The following FARP1 variants were observed in gnomAD, a reference collection of about 807,000 sequenced individuals.
FARP1 encodes FERM, ARHGEF and pleckstrin domain-containing protein 1.
A neutral mutation model predicts 128.8 loss-of-function variants in FARP1; 52 were observed. That is an observed-to-expected ratio of 0.40 (90% CI 0.32 to 0.51). The LOEUF is 0.51. Among genes scored for constraint, FARP1 ranks in the 20% least tolerant of loss-of-function variants. The pLI is 0.45. For missense variants in FARP1, 1,333 were observed against 1,367.9 expected, an observed-to-expected ratio of 0.97 and a Z score of 0.40; for synonymous variants, 580 against 551.8, an observed-to-expected ratio of 1.05 and a Z score of -0.72.
intron 2 of FARP1, among the ~76,000 whole-genome samples, chr13:98,232,660 G>A (rs1198014372): frequency 1.1e-4 from 16 of 152,144 alleles, no homozygotes; most frequent in Non-Finnish European, 5.9e-5. Flanking sequence ...CTACAGTATG[G>A]TGTAAACATT....
intron 24 of FARP1, among the ~76,000 whole-genome samples, chr13:98,441,665 C>T (rs1252472835): frequency 2.6e-5 from 4 of 152,124 alleles, no homozygotes; most frequent in Non-Finnish European, 4.4e-5. Flanking sequence ...TTACACAGAA[C>T]GGTGGAGAAA....
intron 1 of FARP1, among the ~76,000 whole-genome samples, chr13:98,193,768 C>A (rs1444431430): frequency 1.4e-4 from 21 of 152,186 alleles, no homozygotes; most frequent in Non-Finnish European, 1.5e-4. Context: ...CTAACAGTCT[C>A]CTTATCTCCC....
intron 6 of FARP1, among the ~76,000 whole-genome samples, chr13:98,380,103 G>A (rs56154814): frequency 0.14 from 21,624 of 152,118 alleles, 1,722 homozygotes; most frequent in East Asian, 0.3. Flanking sequence ...CCATTGAGTC[G>A]TGTACTTCTT....
At chr13:98,413,077 T>G (rs1246415591) in intron 16 of FARP1, among the ~76,000 whole-genome samples, 2 of 151,510 alleles carry the variant, frequency 1.3e-5, no homozygotes, top group Non-Finnish European at 2.9e-5. Context: ...AGCTGCTTTC[T>G]GTGTTGTGAA....
In FARP1 at chr13:98,377,803, C is replaced by T; in HGVS notation, c.399-18C>T. ...CCTGCCCTCTTTGCCTGACGCCCAG[C>T]TCTGTTGATCTTCGCAGGTACCTGT... On this transcript the variant is annotated intron_variant, in intron 5 of 26. Transcript: ENST00000319562. 6.2e-7 allele frequency: 1 copy of T among 1,605,012 alleles called. No homozygotes were observed. Among genetic ancestry groups the T allele is most frequent in the Non-Finnish European group, 8.5e-7 (1 of 1,171,866 alleles).
chr13:98,287,833 C>T (rs1312394253), intron 2 of FARP1, among the ~76,000 whole-genome samples: 2 of 138,408 alleles, frequency 1.4e-5, no homozygotes, highest in South Asian at 2.3e-4. Context: ...GACGTAGTCT[C>T]GCTCTGTCAC....
At chr13:98,165,709 G>GTTTTTTTTTT (rs1566685742) in intron 1 of FARP1, among the ~76,000 whole-genome samples, 6 of 102,404 alleles carry the variant, frequency 5.9e-5, no homozygotes, top group Non-Finnish European at 1.0e-4. Context: ...TTCCAGAAGG[G>GTTTTTTTTTT]GTTTTTTTTT....
intron 3 of FARP1, among the ~76,000 whole-genome samples, chr13:98,360,790 G>A (rs1888839699): frequency 6.6e-6 from 1 of 152,202 alleles, no homozygotes; most frequent in Non-Finnish European, 1.5e-5. Flanking sequence ...TCAGCCAGAT[G>A]CCTTTCCAGT....
At chr13:98,305,942 G>A (rs1886134909) in intron 2 of FARP1, among the ~76,000 whole-genome samples, 1 of 151,698 alleles carries the variant, frequency 6.6e-6, no homozygotes, top group South Asian at 2.1e-4. Context: ...GATTCTGGGC[G>A]AATCACTGGG....
At chr13:98,430,968 C>A in intron 17 of FARP1, 75 bp from the exon 18 acceptor site, 2 of 907,098 alleles carry the variant, frequency 2.2e-6, no homozygotes, top group Admixed American at 2.2e-5. Context: ...CTTCATTTCC[C>A]CAAGTGAAAC....
chr13:98,301,393 G>T (rs1386212691), intron 2 of FARP1, among the ~76,000 whole-genome samples: 1 of 152,218 alleles, frequency 6.6e-6, no homozygotes, highest in Admixed American at 6.5e-5. Context: ...AGCTTCTATT[G>T]TATGAGGTTG....
chr13:98,258,133 A>G (rs558392675), intron 2 of FARP1, among the ~76,000 whole-genome samples: 1 of 152,008 alleles, frequency 6.6e-6, no homozygotes, highest in Admixed American at 6.6e-5. Context: ...TGCCCGGCTA[A>G]TTTTTTTGTA....
rs114357322 is a variant in FARP1, at chr13:98,435,721, C to G, written c.2274+15C>G. 3,216 of 1,613,228 alleles carry G rather than the reference C, an allele frequency of 2.0e-3. 61 individuals carry two copies. In the African/African-American group the frequency reaches 0.037, roughly 19 times the overall value. On this transcript the variant is annotated intron_variant, in intron 19 of 26. Coordinates refer to ENST00000319562, the MANE Select transcript of FARP1 (RefSeq NM_005766.4). ...TTCCGGGAAGGGTAAGCAGCAGTGG[C>G]CTCACTATGCACTGCGCGGGGAGCA...
intron 26 of FARP1, 190 bp from the exon 27 acceptor site, chr13:98,448,046 C>T (rs1256119664): frequency 3.3e-6 from 2 of 609,530 alleles, no homozygotes; most frequent in Non-Finnish European, 5.9e-6. Context: ...GAGTGAGTGC[C>T]CAGGCCAGTG....
At chr13:98,422,689 C>T (rs956188504) in intron 16 of FARP1, among the ~76,000 whole-genome samples, 1 of 152,168 alleles carries the variant, frequency 6.6e-6, no homozygotes, top group Non-Finnish European at 1.5e-5. Flanking sequence ...GATGACTTTT[C>T]TACCTCCTGG....
rs146516731 is a variant in FARP1, at chr13:98,262,964, G to C, written c.171+49551G>C. On this transcript the variant is annotated intron_variant, in intron 2 of 26. Transcript: ENST00000319562. ...ACTAAGTCTCTGCCCCTTTTACAGT[G>C]TCACTTTCCTAATACAGTTTCATCT... is the stretch of plus-strand genomic sequence containing the variant. Among the ~76,000 whole-genome samples, 116 of 152,148 alleles carry C rather than the reference G, an allele frequency of 7.6e-4. 1 individual carries two copies. Among genetic ancestry groups the C allele is most frequent in the Middle Eastern group, 6.8e-3 (2 of 294 alleles).
chr13:98,386,785 T>G lies in FARP1; in HGVS notation c.759+971T>G, dbSNP rs148614916. On this transcript the variant is annotated intron_variant, in intron 8 of 26. Coordinates refer to ENST00000319562, the MANE Select transcript of FARP1 (RefSeq NM_005766.4). ...CTTTATTGAGCTCTTCCAGGTTTGC[T>G]TATATTTCCCCCTTATCTTTTATCA... Among the ~76,000 whole-genome samples the G allele has an allele frequency of 6.8e-4, 104 of 152,326 alleles. 3 individuals carry two copies. In the Middle Eastern group the frequency reaches 0.014, roughly 20 times the overall value.
chr13:98,313,582 G>A (rs2139756682), intron 2 of FARP1, among the ~76,000 whole-genome samples: 1 of 152,310 alleles, frequency 6.6e-6, no homozygotes, highest in South Asian at 2.1e-4. Context: ...CCCATGAATG[G>A]ACCTTTGTCC....
chr13:98,385,563 A>G, intron 7 of FARP1, 104 bp from the exon 8 acceptor site: 1 of 1,296,660 alleles, frequency 7.7e-7, no homozygotes, highest in Non-Finnish European at 1.1e-6. Context: ...AGTGTTTGTG[A>G]TGAAATGCCT....
Sources: allele counts gnomAD v4.1 joint callset (sites outside exome capture counted in the v4.1 genomes callset), GRCh38; gene constraint gnomAD v4.1.1; transcripts MANE v1.5; gene names NCBI Gene and HGNC (gene_info 2026-07-23, HGNC 2026-07-21).